GRB2: variants seen among roughly 807,000 people sequenced by gnomAD.
GRB2 encodes the protein growth factor receptor bound protein 2.
GRB2 carries 2 observed loss-of-function variants against 27.4 expected under a neutral mutation model. The ratio of observed to expected loss-of-function variants is 0.07; its 90% confidence interval spans 0.03 to 0.23. The LOEUF (loss-of-function observed/expected upper bound fraction) is 0.23. GRB2 is among the 10% of genes least tolerant of loss of function. The pLI is 1.00. For synonymous variants in GRB2, 94 were observed against 99.6 expected, an observed-to-expected ratio of 0.94 and a Z score of 0.33; for missense variants, 102 against 282.4, an observed-to-expected ratio of 0.36 and a Z score of 4.58.
intron 3 of GRB2, chr17:75,326,250 C>T (rs2145821167): frequency 3.7e-6 from 2 of 545,568 alleles, no homozygotes; most frequent in East Asian, 6.4e-5. Context: ...AAGGCACTAA[C>T]CGTGGGTCAC....
intron 2 of GRB2, among the ~76,000 whole-genome samples, chr17:75,362,369 T>G (rs942420770): frequency 6.6e-6 from 1 of 152,174 alleles, no homozygotes; most frequent in Non-Finnish European, 1.5e-5. Context: ...GCATGAAGAG[T>G]TGAGTTTTGT....
intron 2 of GRB2, among the ~76,000 whole-genome samples, chr17:75,379,402 A>C (rs948807302): frequency 2.1e-4 from 15 of 71,856 alleles, no homozygotes; most frequent in Non-Finnish European, 6.3e-4. Context: ...TGATTTCTTA[A>C]AAAAAAAAAA....
intron 2 of GRB2, among the ~76,000 whole-genome samples, chr17:75,369,966 C>T (rs1598242763): frequency 6.6e-6 from 1 of 152,144 alleles, no homozygotes; most frequent in East Asian, 1.9e-4. Flanking sequence ...TATATATGTT[C>T]CTTTGCTTGA....
In GRB2 at chr17:75,338,942, G is replaced by A. The variant is rs1374596248; in HGVS notation, c.79-6145C>T. ...GATTCTCTGTATGCCCAGGGAAAGC[G>A]GCGTTATGACAGGAAGCAGAGTGGC... On this transcript the variant is annotated intron_variant, in intron 2 of 5. Coordinates refer to ENST00000316804, the MANE Select transcript of GRB2 (RefSeq NM_002086.5). The A allele has an allele frequency of 2.4e-5, 27 of 1,120,190 alleles. No homozygotes were observed. In the East Asian group the frequency reaches 3.5e-4, roughly 15 times the overall value. The allele number at this position is 1,120,190 out of a possible 1,614,324, so 69.4% of individuals were successfully genotyped here. A position where few individuals can be genotyped will look rare whatever the true frequency, so the allele number is the denominator to read the frequency against.
chr17:75,394,747 A>G (rs1187971651), intron 1 of GRB2: 1 of 152,240 alleles, frequency 6.6e-6, no homozygotes, highest in African/African-American at 2.4e-5. Flanking sequence ...AGTCTCTCTC[A>G]CAGTCACCCT....
chr17:75,359,162 CAAAAAAA>C (rs3082676), intron 2 of GRB2, among the ~76,000 whole-genome samples: 11 of 64,722 alleles, frequency 1.7e-4, no homozygotes, highest in Non-Finnish European at 1.2e-4. Context: ...GACTACATCT[CAAAAAAA>C]AAAAAAAAAA....
chr17:75,320,262 T>G lies in GRB2; in HGVS notation c.*106A>C. ...AGGGTCACAGGGTGACCCGGCCAGG[T>G]GTTCTGCACTCCCTCACAGGCTGCT... is the stretch of plus-strand genomic sequence containing the variant. On this transcript the variant is annotated 3_prime_UTR_variant, in exon 6 of 6. Transcript: ENST00000316804. This position sits in a 1 kb window ranked among gnomAD's most constrained non-coding sequence, Gnocchi z 4.3. 1 of 952,700 alleles carries G rather than the reference T, an allele frequency of 1.0e-6. No homozygotes were observed. The highest frequency in any genetic ancestry group is 1.9e-5 in the Admixed American group (1 of 51,310). 59.0% of individuals were successfully genotyped at this position (952,700 alleles called of 1,614,324 possible). A position where few individuals can be genotyped will look rare whatever the true frequency, so the allele number is the denominator to read the frequency against.
chr17:75,387,969 T>C (rs2078975427), intron 2 of GRB2, among the ~76,000 whole-genome samples: 1 of 152,170 alleles, frequency 6.6e-6, no homozygotes, highest in Non-Finnish European at 1.5e-5. Flanking sequence ...GAATCTTTTA[T>C]AGGAAATGAA....
In GRB2 at chr17:75,350,714, G is replaced by C. The variant is rs183047896; in HGVS notation, c.79-17917C>G. 1.6e-3 allele frequency among the ~76,000 whole-genome samples: 243 copies of C among 152,134 alleles called. 1 individual carries two copies. Among genetic ancestry groups the C allele is most frequent in the Non-Finnish European group, 2.7e-3 (183 of 68,008 alleles). On this transcript the variant is annotated intron_variant, in intron 2 of 5. Coordinates refer to ENST00000316804, the MANE Select transcript of GRB2 (RefSeq NM_002086.5). ...TCACCGTGTTAGCCAGGATGGTCTCGATCTCCTGACCTCGTGATCCGCCCA... is the reference window on the plus strand; with the variant it reads ...TCACCGTGTTAGCCAGGATGGTCTCCATCTCCTGACCTCGTGATCCGCCCA...
At chr17:75,383,089 T>C (rs999533688) in intron 2 of GRB2, among the ~76,000 whole-genome samples, 5 of 151,626 alleles carry the variant, frequency 3.3e-5, no homozygotes, top group Non-Finnish European at 7.4e-5. Context: ...TGTTTACCCA[T>C]GGCTTCTCAC....
intron 2 of GRB2, among the ~76,000 whole-genome samples, chr17:75,348,922 C>T (rs1322732997): frequency 6.6e-6 from 1 of 152,190 alleles, no homozygotes; most frequent in Non-Finnish European, 1.5e-5. Flanking sequence ...GCAATCCGCC[C>T]ACCTCAGCCT....
intron 1 of GRB2, chr17:75,405,093 C>T (rs2079090713): frequency 6.6e-6 from 1 of 152,134 alleles, no homozygotes; most frequent in African/African-American, 2.4e-5. Context: ...CCGTGCAGGT[C>T]GAAGGCACAT....
chr17:75,384,005 C>A (rs977023453), intron 2 of GRB2, among the ~76,000 whole-genome samples: 2 of 152,122 alleles, frequency 1.3e-5, no homozygotes, highest in Admixed American at 6.6e-5. Flanking sequence ...TCGCAATGCC[C>A]GATCTGTCTG....
intron 4 of GRB2, among the ~76,000 whole-genome samples, chr17:75,322,848 G>A (rs969170931): frequency 2.0e-5 from 3 of 152,198 alleles, no homozygotes; most frequent in South Asian, 2.1e-4. Flanking sequence ...GGCCGGATGC[G>A]GTGGCTCATG....
chr17:75,362,492 T>G (rs1326512114), intron 2 of GRB2, among the ~76,000 whole-genome samples: 6 of 152,164 alleles, frequency 3.9e-5, no homozygotes, highest in Non-Finnish European at 1.5e-5. Flanking sequence ...TATTAACAAG[T>G]TGGGAGCCAA....
chr17:75,376,380 A>C (rs1352204720), intron 2 of GRB2, among the ~76,000 whole-genome samples: 3 of 138,988 alleles, frequency 2.2e-5, no homozygotes, highest in Non-Finnish European at 4.8e-5. Flanking sequence ...TTTTAACCCG[A>C]CCTGGTGGCA....
chr17:75,390,677 G>A (rs988591943), intron 2 of GRB2, among the ~76,000 whole-genome samples: 2 of 152,180 alleles, frequency 1.3e-5, no homozygotes, highest in Non-Finnish European at 2.9e-5. Flanking sequence ...AGGTCAATGT[G>A]TAGACAGAAA....
intron 2 of GRB2, among the ~76,000 whole-genome samples, chr17:75,382,601 A>C (rs1187567109): frequency 6.6e-6 from 1 of 152,270 alleles, no homozygotes; most frequent in East Asian, 1.9e-4. Context: ...TAAAAATGTT[A>C]GGACAGAAAG....
chr17:75,326,234 C>CTCA (rs938402895), intron 3 of GRB2: 25 of 571,958 alleles, frequency 4.4e-5, no homozygotes, highest in Non-Finnish European at 6.9e-5. Context: ...CAGAAAGCGA[C>CTCA]TCACCAAGGC....
Sources: allele counts gnomAD v4.1 joint callset (sites outside exome capture counted in the v4.1 genomes callset), GRCh38; gene constraint gnomAD v4.1.1; non-coding constraint Gnocchi (gnomAD v3.1); transcripts MANE v1.5; gene names NCBI Gene and HGNC (gene_info 2026-07-23, HGNC 2026-07-21).